LGALS12: variants seen among roughly 807,000 people sequenced by gnomAD.
The protein encoded by LGALS12 is galectin-12.
Under a neutral mutation model 36.8 loss-of-function variants are expected in LGALS12, and 36 were observed. The observed-to-expected ratio is 0.98, with a 90% CI of 0.75 to 1.29. The LOEUF (loss-of-function observed/expected upper bound fraction) is 1.29, where lower values mean the gene tolerates loss of function less well. Ranked by LOEUF, LGALS12 falls within the 50% of genes most tolerant of loss-of-function variation. The pLI is 0.00. For missense variants in LGALS12, 366 were observed against 394.3 expected (o/e 0.93, Z 0.61); for synonymous variants, 145 against 155.9 (o/e 0.93, Z 0.52).
At position 63,510,480 on chromosome 11, in the gene LGALS12, CAG is replaced by C; in HGVS notation, c.515_516del (p.Glu172ValfsTer94). 5.0e-6 allele frequency: 8 copies of C among 1,614,112 alleles called. No homozygotes were observed. Among genetic ancestry groups the C allele is most frequent in the Non-Finnish European group, 6.8e-6 (8 of 1,179,994 alleles). ...LNINPFVEGS[R>X]EYPAGHPFLL... ...CTGAACAGCCATTTGTGGAGGGCAG[CAG>C]AGAGTACCCAGCTGGACATGTGAGT... On this transcript the variant is annotated frameshift_variant, in exon 5 of 9. Coordinates refer to ENST00000394618, the MANE Select transcript of LGALS12 (RefSeq NM_033101.4). LOFTEE classifies it high-confidence loss of function.
chr11:63,508,489 C>T, intron 1 of LGALS12, 64 bp from the exon 2 acceptor site: 1 of 1,597,782 alleles, frequency 6.3e-7, no homozygotes, highest in Non-Finnish European at 8.5e-7. Context: ...TCCCACTCGC[C>T]TGACATAGAG....
chr11:63,511,911 A>G, intron 7 of LGALS12, 71 bp downstream of exon 7: 1 of 936,792 alleles, frequency 1.1e-6, no homozygotes, highest in East Asian at 2.4e-5. Flanking sequence ...ATAAAACATC[A>G]TCTCTTTTAA....
chr11:63,507,960 A>G, intron 1 of LGALS12: 1 of 897,878 alleles, frequency 1.1e-6, no homozygotes, highest in African/African-American at 1.8e-5. Flanking sequence ...CTGGTCTCGA[A>G]CTCCTGACCT....
intron 3 of LGALS12, 57 bp downstream of exon 3, chr11:63,509,048 T>C (rs1035701321): frequency 1.2e-5 from 17 of 1,371,342 alleles, no homozygotes; most frequent in Non-Finnish European, 1.5e-5. Context: ...CGCCCTTCCT[T>C]CCCTCAGCCA....
chr11:63,514,867 T>G (rs1468398551), intron 7 of LGALS12, among the ~76,000 whole-genome samples: 2 of 150,998 alleles, frequency 1.3e-5, no homozygotes, highest in Non-Finnish European at 2.9e-5. Context: ...ATTATCTCCT[T>G]TGTTCCTTTT....
In LGALS12 at chr11:63,516,363, A is replaced by T. The variant is rs1375012089; in HGVS notation, c.915A>T (p.Gly305=). The T allele has an allele frequency of 2.5e-6, 4 of 1,613,838 alleles. No individual in the cohort carries two copies. Among genetic ancestry groups the T allele is most frequent in the Non-Finnish European group, 3.4e-6 (4 of 1,180,014 alleles). ...AGCTGCGGGAGCTCCGGATCAGTGG[A>T]AGTGTCCAGCTCTACTGTGTCCACT... ...LEQLRELRIS[G]SVQLYCVHS is the part of the protein sequence containing the mutation. The change falls in exon 9 of 9, where the codon GGA becomes GGT. Residue 305 remains glycine, a synonymous_variant. Coordinates refer to ENST00000394618, the MANE Select transcript of LGALS12 (RefSeq NM_033101.4).
At chr11:63,511,536 G>A (rs2016920994) in intron 6 of LGALS12, among the ~76,000 whole-genome samples, 1 of 152,194 alleles carries the variant, frequency 6.6e-6, no homozygotes, top group Non-Finnish European at 1.5e-5. Context: ...TGGTGGTCGG[G>A]ACACAGAGAG....
chr11:63,515,449 T>C (rs2134337581), intron 7 of LGALS12, 114 bp from the exon 8 acceptor site: 2 of 1,246,324 alleles, frequency 1.6e-6, no homozygotes, highest in South Asian at 1.4e-5. Context: ...TTCTGGAGGC[T>C]GAAGCAGCTC....
In LGALS12 at chr11:63,515,611, C is replaced by G. The variant is rs772889734; in HGVS notation, c.696C>G (p.Leu232=). 2.5e-6 allele frequency: 4 copies of G among 1,614,248 alleles called. No individual in the cohort carries two copies. ...AGGCTGCCCATGCTCCTGTGACACT[C>G]AGGGCCTCCTTCGCAGACAGAACTC... ...RDQAAHAPVT[L]RASFADRTLA... Residue 232 remains leucine (L), a synonymous_variant, in exon 8 of 9, where the codon CTC becomes CTG. Transcript: ENST00000394618.
At chr11:63,507,398 T>C (rs971063006) in intron 1 of LGALS12, among the ~76,000 whole-genome samples, 2 of 152,160 alleles carry the variant, frequency 1.3e-5, no homozygotes, top group Non-Finnish European at 2.9e-5. Context: ...GTACCTGCCA[T>C]CCTGCTCACA....
In LGALS12 at chr11:63,515,770, C is replaced by T. The variant is rs2017062812; in HGVS notation, c.798+57C>T. On this transcript the variant is annotated intron_variant, in intron 8 of 8. Transcript: ENST00000394618. The stretch of plus-strand genomic sequence containing the variant: ...AGGCTGGAGCACAGAGCTGAAGTCC[C>T]ATAATGACCTGGGAGATGCTGGGGC... The T allele has an allele frequency of 3.2e-6, 5 of 1,572,448 alleles. No homozygotes were observed. The Admixed American group carries it at 8.5e-5, about 27-fold the overall frequency.
chr11:63,512,509 G>C (rs2016956247), intron 7 of LGALS12, among the ~76,000 whole-genome samples: 1 of 152,180 alleles, frequency 6.6e-6, no homozygotes, highest in Non-Finnish European at 1.5e-5. Flanking sequence ...GGGGATGATA[G>C]GCCGGGCGCG....
At chr11:63,515,530 C>G in intron 7 of LGALS12, 33 bp from the exon 8 acceptor site, 1 of 1,611,260 alleles carries the variant, frequency 6.2e-7, no homozygotes, top group Non-Finnish European at 8.5e-7. Flanking sequence ...GCAATGGGCG[C>G]TGATTCCTTC....
At chr11:63,510,341 C>A in intron 4 of LGALS12, 122 bp from the exon 5 acceptor site, 1 of 953,302 alleles carries the variant, frequency 1.0e-6, no homozygotes, top group South Asian at 1.3e-5. Context: ...GAAGCTACCA[C>A]TGACCAGCCG....
At chr11:63,511,921 A>G in intron 7 of LGALS12, 81 bp downstream of exon 7, 1 of 920,478 alleles carries the variant, frequency 1.1e-6, no homozygotes, top group Non-Finnish European at 1.8e-6. Flanking sequence ...ATCTCTTTTA[A>G]TCTCCTAGCA....
chr11:63,513,132 G>A (rs564614191), intron 7 of LGALS12, among the ~76,000 whole-genome samples: 115 of 152,290 alleles, frequency 7.6e-4, no homozygotes, highest in Admixed American at 1.0e-3. Context: ...TAAACAGTGC[G>A]GTCGTGGGCC....
At chr11:63,509,144 G>A (rs943699816) in intron 3 of LGALS12, among the ~76,000 whole-genome samples, 153 bp downstream of exon 3, 1 of 152,224 alleles carries the variant, frequency 6.6e-6, no homozygotes, top group African/African-American at 2.4e-5. Flanking sequence ...GTTCCAGGCT[G>A]CCCTGGGCCC....
chr11:63,511,656 C>A, intron 6 of LGALS12, 96 bp from the exon 7 acceptor site: 1 of 824,320 alleles, frequency 1.2e-6, no homozygotes, highest in Non-Finnish European at 2.1e-6. Flanking sequence ...CTGGGCAGAA[C>A]ATGCCTGCCC....
At chr11:63,510,040 C>A in intron 4 of LGALS12, 143 bp downstream of exon 4, 1 of 1,045,634 alleles carries the variant, frequency 9.6e-7, no homozygotes, top group Non-Finnish European at 1.4e-6. Flanking sequence ...GGGAGGGAGT[C>A]CACTGAGGTT....
Sources: gnomAD v4.1 joint callset for allele counts (sites outside exome capture counted in the v4.1 genomes callset) on GRCh38, gnomAD v4.1.1 for gene constraint, MANE v1.5 for transcripts, NCBI Gene and HGNC (gene_info 2026-07-23, HGNC 2026-07-21) for gene names.